Variants in RSAD1 observed in about 807,000 individuals in gnomAD.
RSAD1 encodes the protein radical S-adenosyl methionine domain-containing protein 1, mitochondrial.
RSAD1 carries 34 observed loss-of-function variants against 46.2 expected under a neutral mutation model. That is an observed-to-expected ratio of 0.74 (90% CI 0.56 to 0.98). The LOEUF is 0.98. Among genes scored for constraint, RSAD1 ranks in the 50% least tolerant of loss-of-function variants. The pLI, the probability that RSAD1 is intolerant of heterozygous loss-of-function variation, is 0.00. For synonymous variants in RSAD1, 260 were observed against 253.5 expected (o/e 1.03, Z -0.24); for missense variants, 635 against 592.3 (o/e 1.07, Z -0.75).
intron 7 of RSAD1, 77 bp downstream of exon 7, chr17:50,483,837 CCA>C: frequency 1.5e-6 from 2 of 1,372,606 alleles, no homozygotes; most frequent in Non-Finnish European, 2.0e-6. Flanking sequence ...GCCACCCCCC[CCA>C]CACACATATA....
intron 1 of RSAD1, 89 bp downstream of exon 1, chr17:50,479,108 A>T (rs1782938326): frequency 2.4e-6 from 3 of 1,236,250 alleles, no homozygotes; most frequent in Non-Finnish European, 3.1e-6. Flanking sequence ...GCGGTTTGTC[A>T]CTCTATGAAC....
At chr17:50,479,371 G>C in intron 1 of RSAD1, 1 of 521,618 alleles carries the variant, frequency 1.9e-6, no homozygotes, top group Non-Finnish European at 3.3e-6. Flanking sequence ...CCCAGAAAGA[G>C]CTTGGGTTGA....
At chr17:50,481,038 A>G (rs2033375591) in intron 3 of RSAD1, among the ~76,000 whole-genome samples, 1 of 152,194 alleles carries the variant, frequency 6.6e-6, no homozygotes, top group South Asian at 2.1e-4. Flanking sequence ...ATTCATTTAA[A>G]TAATTATAAT....
At chr17:50,484,006 C>T (rs1249185836) in intron 7 of RSAD1, 1 of 523,264 alleles carries the variant, frequency 1.9e-6, no homozygotes, top group East Asian at 3.3e-5. Flanking sequence ...ACCTTGGACA[C>T]AAATCCTTTC....
In RSAD1 at chr17:50,484,941, T is replaced by C; in HGVS notation, c.*80T>C. 8.7e-7 allele frequency: 1 copy of C among 1,148,962 alleles called. No individual in the cohort carries two copies. The highest frequency in any genetic ancestry group is 1.3e-6 in the Non-Finnish European group (1 of 768,678). 71.2% of individuals were successfully genotyped at this position (1,148,962 alleles called of 1,614,324 possible). On this transcript the variant is annotated 3_prime_UTR_variant, in exon 9 of 9. Transcript: ENST00000258955. ...GGTACTGCAGACATCTCTTCTCCGT[T>C]GTCGGGTGCCGTCTCTGCTCCTTGT...
chr17:50,483,521 G>A, intron 6 of RSAD1, 34 bp downstream of exon 6: 7 of 1,608,834 alleles, frequency 4.4e-6, no homozygotes, highest in Non-Finnish European at 5.9e-6. Flanking sequence ...TCTCCTCCAG[G>A]ATCCCCACAC....
chr17:50,484,287 C>T, intron 7 of RSAD1, 155 bp from the exon 8 acceptor site: 1 of 627,832 alleles, frequency 1.6e-6, no homozygotes. Flanking sequence ...TGCCCTCCTC[C>T]CTGCTGGCCC....
intron 3 of RSAD1, among the ~76,000 whole-genome samples, chr17:50,481,293 T>C (rs2033377742): frequency 6.6e-6 from 1 of 152,228 alleles, no homozygotes; most frequent in Non-Finnish European, 1.5e-5. Context: ...AATGGTGTTG[T>C]GTCAGTGTTG....
At position 50,484,928 on chromosome 17, in the gene RSAD1, A is replaced by G; in HGVS notation, c.*67A>G. 1 of 1,274,566 alleles carries G rather than the reference A, an allele frequency of 7.8e-7. No individual in the cohort carries two copies. 79.0% of individuals were successfully genotyped at this position (1,274,566 alleles called of 1,614,324 possible). A position where few individuals can be genotyped will look rare whatever the true frequency, so the allele number is the denominator to read the frequency against. Reference sequence around the variant, plus strand: ...TGAGAGCTGGGTCGGTACTGCAGACATCTCTTCTCCGTTGTCGGGTGCCGT... The same window carrying G: ...TGAGAGCTGGGTCGGTACTGCAGACGTCTCTTCTCCGTTGTCGGGTGCCGT... On this transcript the variant is annotated 3_prime_UTR_variant, in exon 9 of 9. Coordinates refer to ENST00000258955, the MANE Select transcript of RSAD1 (RefSeq NM_018346.3).
intron 7 of RSAD1, 88 bp from the exon 8 acceptor site, chr17:50,484,354 G>C: frequency 8.7e-7 from 1 of 1,152,630 alleles, no homozygotes; most frequent in Non-Finnish European, 1.3e-6. Context: ...TGCTGAACTG[G>C]ACCCTCCCCC....
intron 1 of RSAD1, 25 bp from the exon 2 acceptor site, chr17:50,479,604 G>C: frequency 6.2e-7 from 1 of 1,612,916 alleles, no homozygotes; most frequent in Non-Finnish European, 8.5e-7. Flanking sequence ...AGCTCTCACC[G>C]CGCACGTGCA....
chr17:50,484,115 A>C (rs58054208), intron 7 of RSAD1: 6,805 of 436,564 alleles, frequency 0.016, 370 homozygotes, highest in African/African-American at 0.12. Flanking sequence ...CATAGGAAGC[A>C]CAGTAGATAA....
In RSAD1 at chr17:50,479,003, C is replaced by A; in HGVS notation, c.119C>A (p.Ala40Glu). 1.5e-6 allele frequency: 2 copies of A among 1,365,946 alleles called. No individual in the cohort carries two copies. The highest frequency in any genetic ancestry group is 3.0e-5 in the East Asian group (1 of 33,462). The allele number at this position is 1,365,946 out of a possible 1,614,324, so 84.6% of individuals were successfully genotyped here. Residue 40 changes from alanine to glutamate, a missense_variant, in exon 1 of 9, where the codon GCG (alanine) becomes GAG (glutamate). Physicochemically the swap from Ala to Glu is moderately radical, Grantham distance 107. Transcript: ENST00000258955. ...SPSPEPAGRRAALYVHWPYCE... is the reference protein window; with the variant it reads ...SPSPEPAGRREALYVHWPYCE... ...AGTCCTGAGCCTGCGGGCCGGCGCGCGGCGCTTTACGTACACGTGAGTAGG... is the reference window on the plus strand; with the variant it reads ...AGTCCTGAGCCTGCGGGCCGGCGCGAGGCGCTTTACGTACACGTGAGTAGG...
In RSAD1 at chr17:50,484,930, C is replaced by T. The variant is rs2033434593; in HGVS notation, c.*69C>T. ...AGAGCTGGGTCGGTACTGCAGACAT[C>T]TCTTCTCCGTTGTCGGGTGCCGTCT... is the stretch of plus-strand genomic sequence containing the variant. On this transcript the variant is annotated 3_prime_UTR_variant, in exon 9 of 9. Transcript: ENST00000258955. 1.6e-6 allele frequency: 2 copies of T among 1,256,828 alleles called. No individual in the cohort carries two copies. Among genetic ancestry groups the T allele is most frequent in the Admixed American group, 3.4e-5 (2 of 58,184 alleles). The allele number at this position is 1,256,828 out of a possible 1,614,324, so 77.9% of individuals were successfully genotyped here.
In RSAD1 at chr17:50,485,796, C is replaced by T. The variant is rs991298685; in HGVS notation, c.*935C>T. ...CCACACAGACTCTTCTGAGCCCCCT[C>T]ACTCACTTCCTTCCCCCTGTGCCTT... On this transcript the variant is annotated 3_prime_UTR_variant, in exon 9 of 9. Coordinates refer to ENST00000258955, the MANE Select transcript of RSAD1 (RefSeq NM_018346.3). 1 of 152,334 alleles carries T rather than the reference C, an allele frequency of 6.6e-6. No individual in the cohort carries two copies. Among genetic ancestry groups the T allele is most frequent in the Non-Finnish European group, 1.5e-5 (1 of 68,122 alleles). The allele number at this position is 152,334 out of a possible 1,614,324, so 9.4% of individuals were successfully genotyped here.
chr17:50,483,740 G>C lies in RSAD1; in HGVS notation c.1087G>C (p.Asp363His). 1.2e-6 allele frequency: 2 copies of C among 1,611,246 alleles called. No individual in the cohort carries two copies. The highest frequency in any genetic ancestry group is 1.7e-6 in the Non-Finnish European group (2 of 1,179,204). ...AGTTTTGGCCCTGGGGCTACGCACC[G>C]ATGTGGGGATCACTCACCAGGTAAG... ...EEVLALGLRT[D>H]VGITHQHWQQ... Residue 363 changes from aspartate to histidine, a missense_variant, in exon 7 of 9, where the codon GAT becomes CAT. Coordinates refer to ENST00000258955, the MANE Select transcript of RSAD1 (RefSeq NM_018346.3).
chr17:50,484,001 G>T, intron 7 of RSAD1: 1 of 523,894 alleles, frequency 1.9e-6, no homozygotes, highest in South Asian at 2.9e-5. Context: ...CTGCAACCTT[G>T]GACACAAATC....
Position 50,485,039 on chromosome 17 carries a change from G to T in RSAD1, c.*178G>T. The T allele has an allele frequency of 1.7e-6, 1 of 594,118 alleles. No individual in the cohort carries two copies. Among genetic ancestry groups the T allele is most frequent in the Non-Finnish European group, 3.0e-6 (1 of 331,926 alleles). The allele number at this position is 594,118 out of a possible 1,614,324, so 36.8% of individuals were successfully genotyped here. A position where few individuals can be genotyped will look rare whatever the true frequency, so the allele number is the denominator to read the frequency against. ...TAGATGGGAGGACATTTCTGGTCAG[G>T]GAACTGGCATCCCATTCAGCATCTC... On this transcript the variant is annotated 3_prime_UTR_variant, in exon 9 of 9. Transcript: ENST00000258955.
Position 50,482,311 on chromosome 17 carries a change from G to A in RSAD1, c.695G>A (p.Arg232Gln), listed in dbSNP as rs761533109. ...TCCCTCTACCAGCTGTCCCTGGAGC[G>A]GGGCACCGCACTCTTCGCCCAGGTG... ...HLSLYQLSLE[R>Q]GTALFAQVQR... The change falls in exon 4 of 9, where the codon CGG (arginine) becomes CAG (glutamine). Residue 232 changes from arginine to glutamine, a missense_variant. Coordinates refer to ENST00000258955, the MANE Select transcript of RSAD1 (RefSeq NM_018346.3). 6.8e-6 allele frequency: 11 copies of A among 1,609,602 alleles called. No individual in the cohort carries two copies. The highest frequency in any genetic ancestry group is 3.4e-5 in the Admixed American group (2 of 59,536).
Sources: gnomAD v4.1 joint callset for allele counts (sites outside exome capture counted in the v4.1 genomes callset) on GRCh38, gnomAD v4.1.1 for gene constraint, MANE v1.5 for transcripts, NCBI Gene and HGNC (gene_info 2026-07-23, HGNC 2026-07-21) for gene names.